Variants in CTNND2 observed in about 807,000 individuals in gnomAD.
The protein encoded by CTNND2 is catenin delta-2.
A neutral mutation model predicts 144.4 loss-of-function variants in CTNND2; 22 were observed. That is an observed-to-expected ratio of 0.15 (90% CI 0.11 to 0.22). CTNND2 has a LOEUF of 0.22. Ranked by LOEUF, CTNND2 falls within the 10% of genes least tolerant of loss-of-function variation. The pLI, the probability that CTNND2 is intolerant of heterozygous loss-of-function variation, is 1.00. For missense variants in CTNND2, 1,353 were observed against 1,618.8 expected (o/e 0.84, Z 2.82); for synonymous variants, 751 against 695.6 (o/e 1.08, Z -1.25).
intron 1 of CTNND2, among the ~76,000 whole-genome samples, chr5:11,758,669 T>C (rs112964391): frequency 8.6e-4 from 131 of 152,220 alleles, no homozygotes; most frequent in Non-Finnish European, 1.4e-3. Context: ...TATCATATAG[T>C]AAATCTTAGA....
chr5:11,836,030 A>C (rs2075060684), intron 1 of CTNND2, among the ~76,000 whole-genome samples: 1 of 152,094 alleles, frequency 6.6e-6, no homozygotes. Flanking sequence ...ATTTTCATTC[A>C]CTTGAATGTA....
At chr5:11,747,895 A>G (rs946164306) in intron 1 of CTNND2, among the ~76,000 whole-genome samples, 1 of 152,072 alleles carries the variant, frequency 6.6e-6, no homozygotes, top group South Asian at 2.1e-4. Context: ...ATGGCAATTT[A>G]CCCTTCATAT....
chr5:11,759,206 C>CA (rs1322717879), intron 1 of CTNND2, among the ~76,000 whole-genome samples: 2 of 149,788 alleles, frequency 1.3e-5, no homozygotes, highest in African/African-American at 4.9e-5. Flanking sequence ...GTTTTTTTAA[C>CA]AAACTTTCCT....
intron 3 of CTNND2, among the ~76,000 whole-genome samples, chr5:11,474,319 T>C (rs955783424): frequency 6.6e-6 from 1 of 152,186 alleles, no homozygotes; most frequent in South Asian, 2.1e-4. Context: ...TCTCCCAAAA[T>C]GAGCAAGGCT....
At position 11,565,040 on chromosome 5, in the gene CTNND2, C is replaced by T; in HGVS notation, c.191G>A (p.Arg64Lys). 4 of 1,613,730 alleles carry T rather than the reference C, an allele frequency of 2.5e-6. No individual in the cohort carries two copies. Among genetic ancestry groups the T allele is most frequent in the Non-Finnish European group, 3.4e-6 (4 of 1,179,670 alleles). The change falls in exon 3 of 22, where the codon AGG becomes AAG. Residue 64 changes from arginine (R) to lysine (K), a missense_variant. Around this residue, in one of 4 missense-constraint regions of CTNND2, gnomAD observed 708 missense variants for 706.4 expected, o/e 1.00. Coordinates refer to ENST00000304623, the MANE Select transcript of CTNND2 (RefSeq NM_001332.4). ...TTCAGCCTCCAGCTCTCGGGTCAGC[C>T]TTTCAAACTGTAATTCCTGAAAGAA... ...SVKEQELQFERLTRELEAERQ... is the reference protein window; with the variant it reads ...SVKEQELQFEKLTRELEAERQ...
rs1032315334 is a variant in CTNND2 at position 11,632,093 on chromosome 5, T to C, written c.175-67037A>G. 2.0e-5 allele frequency among the ~76,000 whole-genome samples: 3 copies of C among 152,214 alleles called. No homozygotes were observed. The East Asian group carries it at 5.8e-4, about 29-fold the overall frequency. On this transcript the variant is annotated intron_variant, in intron 2 of 21. Coordinates refer to ENST00000304623, the MANE Select transcript of CTNND2 (RefSeq NM_001332.4). ...CAATTAAGAGAAGAATGGCAGCTCC[T>C]TGATAGCAATAAATGAAATGACAGA... is the stretch of plus-strand genomic sequence containing the variant.
At chr5:11,433,020 G>A (rs187309113) in intron 3 of CTNND2, among the ~76,000 whole-genome samples, 48 of 152,300 alleles carry the variant, frequency 3.2e-4, no homozygotes, top group African/African-American at 9.9e-4. Context: ...CAAGGCAGGC[G>A]GATCACGAGG....
chr5:11,416,987 C>T (rs1469168091), intron 3 of CTNND2, among the ~76,000 whole-genome samples: 5 of 152,156 alleles, frequency 3.3e-5, no homozygotes, highest in South Asian at 2.1e-4. Context: ...AACACTTAGC[C>T]TTTAAATACA....
intron 1 of CTNND2, among the ~76,000 whole-genome samples, chr5:11,893,440 T>A (rs1737147552): frequency 6.6e-6 from 1 of 152,200 alleles, no homozygotes; most frequent in South Asian, 2.1e-4. Flanking sequence ...CATTTAAAAT[T>A]AAATTTGTCC....
At chr5:11,034,783 T>C (rs62337242) in intron 16 of CTNND2, among the ~76,000 whole-genome samples, 30,342 of 152,080 alleles carry the variant, frequency 0.2, 3,609 homozygotes, top group Non-Finnish European at 0.27. Flanking sequence ...AATGTGATCT[T>C]TGTCATTTTT....
chr5:11,526,906 GAAA>G (rs764297993), intron 3 of CTNND2, among the ~76,000 whole-genome samples: 55 of 46,762 alleles, frequency 1.2e-3, no homozygotes, highest in Non-Finnish European at 1.8e-3. Flanking sequence ...TATTTAAAGT[GAAA>G]AAGAAAATAA....
chr5:11,406,340 T>C (rs905406034), intron 5 of CTNND2, among the ~76,000 whole-genome samples: 1 of 152,208 alleles, frequency 6.6e-6, no homozygotes, highest in Non-Finnish European at 1.5e-5. Flanking sequence ...TTGGAGGACC[T>C]GGTTTCCACT....
chr5:10,982,181 C>T (rs1305052529), intron 20 of CTNND2, among the ~76,000 whole-genome samples: 1 of 152,222 alleles, frequency 6.6e-6, no homozygotes, highest in Non-Finnish European at 1.5e-5. Context: ...AGGCTTGTCA[C>T]CTGCACTGAA....
chr5:11,128,625 G>A (rs181475315), intron 12 of CTNND2, among the ~76,000 whole-genome samples: 1 of 144,268 alleles, frequency 6.9e-6, no homozygotes, highest in Non-Finnish European at 1.5e-5. Flanking sequence ...TTCCCTCCCA[G>A]GAAAACTGCT....
Position 11,235,738 on chromosome 5 carries a change from T to C in CTNND2, c.1761+953A>G, listed in dbSNP as rs185891067. On this transcript the variant is annotated intron_variant, in intron 10 of 21. Coordinates refer to ENST00000304623, the MANE Select transcript of CTNND2 (RefSeq NM_001332.4). ...TTCATTCCACAAAGAAACAGGACTT[T>C]CCTGATAAGAACAAACATGGACCAT... Among the ~76,000 whole-genome samples, 220 of 152,252 alleles carry C rather than the reference T, an allele frequency of 1.4e-3. 2 individuals are homozygous for C. The highest frequency in any genetic ancestry group is 0.013 in the Admixed American group (205 of 15,296).
chr5:11,679,380 T>C (rs1297687074), intron 2 of CTNND2, among the ~76,000 whole-genome samples: 1 of 152,216 alleles, frequency 6.6e-6, no homozygotes, highest in Non-Finnish European at 1.5e-5. Flanking sequence ...TTAAAACTGA[T>C]GCTTGTATCT....
intron 13 of CTNND2, among the ~76,000 whole-genome samples, chr5:11,111,804 C>T (rs61754594): frequency 0.053 from 8,036 of 151,998 alleles, 316 homozygotes; most frequent in Non-Finnish European, 0.08. Context: ...TGAGCTAAAA[C>T]ATGTGTGTGG....
At chr5:11,019,983 AC>A (rs1322213593) in intron 17 of CTNND2, among the ~76,000 whole-genome samples, 2 of 152,230 alleles carry the variant, frequency 1.3e-5, no homozygotes, top group African/African-American at 4.8e-5. Flanking sequence ...GTATAAGACT[AC>A]TATAAGAGTT....
intron 10 of CTNND2, among the ~76,000 whole-genome samples, chr5:11,227,501 T>C (rs1290687061): frequency 6.6e-6 from 1 of 152,118 alleles, no homozygotes; most frequent in Non-Finnish European, 1.5e-5. Context: ...CAATTTATGA[T>C]GAAAGAAAGA....
Sources: gnomAD v4.1 joint callset for allele counts (sites outside exome capture counted in the v4.1 genomes callset) on GRCh38, gnomAD v4.1.1 for gene constraint, gnomAD v4.1.1 regional missense constraint, MANE v1.5 for transcripts, NCBI Gene and HGNC (gene_info 2026-07-23, HGNC 2026-07-21) for gene names.